The following LSM3 variants were observed in gnomAD, a reference collection of about 807,000 sequenced individuals.
The protein encoded by LSM3 is U6 snRNA-associated Sm-like protein LSm3.
In LSM3, 14 loss-of-function variants were observed where a neutral mutation model predicts 15.4. The ratio of observed to expected loss-of-function variants is 0.91; its 90% confidence interval spans 0.60 to 1.42. The LOEUF (loss-of-function observed/expected upper bound fraction) is 1.42, where lower values mean the gene tolerates loss of function less well. LSM3 is among the 40% of genes most tolerant of loss of function. The pLI, the probability that LSM3 is intolerant of heterozygous loss-of-function variation, is 0.00. For missense variants in LSM3, 88 were observed against 127.9 expected (o/e 0.69, Z 1.50); for synonymous variants, 46 against 45.1 (o/e 1.02, Z -0.08).
At chr3:14,187,572 C>T (rs913430428) in intron 3 of LSM3, among the ~76,000 whole-genome samples, 2 of 152,166 alleles carry the variant, frequency 1.3e-5, no homozygotes, top group African/African-American at 4.8e-5. Context: ...AACTACTTCA[C>T]TCTCCTGTGC....
At chr3:14,191,993 T>C (rs182134907) in intron 3 of LSM3, among the ~76,000 whole-genome samples, 4 of 152,332 alleles carry the variant, frequency 2.6e-5, no homozygotes, top group African/African-American at 9.6e-5. Flanking sequence ...TTCATTCTCA[T>C]TGGTTTCAAA....
intron 3 of LSM3, among the ~76,000 whole-genome samples, chr3:14,185,823 T>C (rs1240990079): frequency 6.6e-6 from 1 of 152,180 alleles, no homozygotes; most frequent in Non-Finnish European, 1.5e-5. Context: ...CTTTAGAAAA[T>C]AGTAGTTCAC....
chr3:14,185,711 G>A (rs1357297769), intron 3 of LSM3, among the ~76,000 whole-genome samples: 1 of 152,174 alleles, frequency 6.6e-6, no homozygotes, highest in Admixed American at 6.5e-5. Flanking sequence ...AACGGTAACA[G>A]TAAACTTTTC....
intron 3 of LSM3, among the ~76,000 whole-genome samples, chr3:14,192,931 T>C (rs967487858): frequency 6.6e-6 from 1 of 152,244 alleles, no homozygotes. Flanking sequence ...TTCCTTTCCA[T>C]GTTTAGTGCT....
chr3:14,185,769 G>A (rs1697082848), intron 3 of LSM3, among the ~76,000 whole-genome samples: 1 of 152,092 alleles, frequency 6.6e-6, no homozygotes, highest in Admixed American at 6.5e-5. Flanking sequence ...CACCTCAAAT[G>A]GATCTCTTAC....
At chr3:14,193,117 T>C (rs1039188567) in intron 3 of LSM3, among the ~76,000 whole-genome samples, 1 of 152,248 alleles carries the variant, frequency 6.6e-6, no homozygotes, top group Non-Finnish European at 1.5e-5. Flanking sequence ...CACTCTCTTC[T>C]GGCTTGTAGG....
At chr3:14,197,927 A>T (rs145339823) in intron 3 of LSM3, 109 bp from the exon 4 acceptor site, 37 of 903,682 alleles carry the variant, frequency 4.1e-5, no homozygotes, top group Non-Finnish European at 6.0e-5. Context: ...AGGTTTTTTA[A>T]TCCAATTTTT....
rs553372126 is a variant in LSM3 at position 14,195,466 on chromosome 3, T to A, written c.229-2570T>A. Among the ~76,000 whole-genome samples the A allele has an allele frequency of 7.2e-4, 110 of 152,158 alleles. 1 individual carries two copies. The South Asian group carries it at 0.02, about 28-fold the overall frequency. On this transcript the variant is annotated intron_variant, in intron 3 of 3. Transcript: ENST00000306024. ...TGAGCAAAGGGCTTTAAAAAAAAAA[T>A]TATTTATGGAAAAATGACCATGGGT...
intron 3 of LSM3, among the ~76,000 whole-genome samples, chr3:14,195,842 C>G (rs1022082022): frequency 2.0e-5 from 3 of 152,178 alleles, no homozygotes; most frequent in Admixed American, 2.0e-4. Context: ...GGGAAGAATC[C>G]TTGGAATGCT....
At chr3:14,196,846 T>C (rs1697191974) in intron 3 of LSM3, among the ~76,000 whole-genome samples, 1 of 152,216 alleles carries the variant, frequency 6.6e-6, no homozygotes, top group South Asian at 2.1e-4. Flanking sequence ...GCAATTTCTT[T>C]AAAAACTTAG....
intron 2 of LSM3, 144 bp from the exon 3 acceptor site, chr3:14,183,793 G>A (rs1042957727): frequency 3.7e-6 from 2 of 538,140 alleles, no homozygotes; most frequent in Non-Finnish European, 6.6e-6. Flanking sequence ...AGTACTGTAG[G>A]ATTACTTTTT....
intron 3 of LSM3, among the ~76,000 whole-genome samples, chr3:14,187,163 G>A (rs550061676): frequency 6.6e-6 from 1 of 152,186 alleles, no homozygotes; most frequent in Non-Finnish European, 1.5e-5. Flanking sequence ...CTCCAAGTGC[G>A]GTTCCTCCTG....
At chr3:14,197,195 C>T (rs1209257551) in intron 3 of LSM3, among the ~76,000 whole-genome samples, 1 of 152,202 alleles carries the variant, frequency 6.6e-6, no homozygotes, top group Non-Finnish European at 1.5e-5. Flanking sequence ...TGTTTCTTTT[C>T]ATCTCTGCTT....
Position 14,198,136 on chromosome 3 carries a change from A to G in LSM3, c.*20A>G, listed in dbSNP as rs1201842418. 5 of 1,596,068 alleles carry G rather than the reference A, an allele frequency of 3.1e-6. No homozygotes were observed. Among genetic ancestry groups the G allele is most frequent in the Non-Finnish European group, 4.3e-6 (5 of 1,164,676 alleles). ...GGCTGAAACAAAGAATTTGTCCTGTATGGAAAACGGGAGACTTTGTACAGT... is the reference window on the plus strand; with the variant it reads ...GGCTGAAACAAAGAATTTGTCCTGTGTGGAAAACGGGAGACTTTGTACAGT... On this transcript the variant is annotated 3_prime_UTR_variant, in exon 4 of 4. Transcript: ENST00000306024.
intron 3 of LSM3, among the ~76,000 whole-genome samples, chr3:14,192,546 C>A (rs2124826189): frequency 6.6e-6 from 1 of 152,322 alleles, no homozygotes; most frequent in South Asian, 2.1e-4. Flanking sequence ...CCTTGTTTGT[C>A]TCTTTTGACC....
chr3:14,180,279 C>CT lies in LSM3; in HGVS notation c.22-1272dup, dbSNP rs202093674. ...ATATTAATAGGAATCTTTTCTTTTC[C>CT]TTTTTTTTTCTATTCTTTTCTTTTT... is the stretch of plus-strand genomic sequence containing the variant. On this transcript the variant is annotated intron_variant, in intron 1 of 3. Transcript: ENST00000306024. 4.5e-4 allele frequency among the ~76,000 whole-genome samples: 68 copies of CT among 151,104 alleles called. No individual in the cohort carries two copies. In the East Asian group the frequency reaches 7.6e-3, roughly 17 times the overall value.
intron 2 of LSM3, among the ~76,000 whole-genome samples, chr3:14,182,250 A>G (rs1697046484): frequency 6.6e-6 from 1 of 152,018 alleles, no homozygotes; most frequent in Non-Finnish European, 1.5e-5. Flanking sequence ...ACACATATAC[A>G]CTCATATATG....
intron 3 of LSM3, among the ~76,000 whole-genome samples, chr3:14,187,788 T>A (rs922084051): frequency 2.6e-5 from 4 of 152,228 alleles, no homozygotes; most frequent in African/African-American, 9.7e-5. Flanking sequence ...TCTAAATAAT[T>A]AATTTGGCTG....
chr3:14,180,631 C>T (rs1414692388), intron 1 of LSM3, among the ~76,000 whole-genome samples: 1 of 151,802 alleles, frequency 6.6e-6, no homozygotes, highest in Admixed American at 6.6e-5. Context: ...GTTTTCCTGG[C>T]ACTGTTTTTA....
Sources: allele counts gnomAD v4.1 joint callset (sites outside exome capture counted in the v4.1 genomes callset), GRCh38; gene constraint gnomAD v4.1.1; transcripts MANE v1.5; gene names NCBI Gene and HGNC (gene_info 2026-07-23, HGNC 2026-07-21).